LAMB3: variants seen among roughly 807,000 people sequenced by gnomAD.
LAMB3 encodes the protein laminin subunit beta-3.
In LAMB3, 104 loss-of-function variants were observed where a neutral mutation model predicts 140.3. The ratio of observed to expected loss-of-function variants is 0.74; its 90% CI spans 0.63 to 0.87. The LOEUF is 0.87. Ranked by LOEUF, LAMB3 falls within the 40% of genes least tolerant of loss-of-function variation. The pLI is 0.00. For missense variants in LAMB3, 1,531 were observed against 1,575.2 expected (o/e 0.97, Z 0.47); for synonymous variants, 592 against 602.9 (o/e 0.98, Z 0.26).
chr1:209,641,007 A>G (rs1025920895), intron 3 of LAMB3, among the ~76,000 whole-genome samples: 1 of 149,774 alleles, frequency 6.7e-6, no homozygotes, highest in Non-Finnish European at 1.5e-5. Flanking sequence ...GGCATGACCC[A>G]TGGAGGCAGA....
intron 14 of LAMB3, among the ~76,000 whole-genome samples, chr1:209,624,539 G>T (rs571182978): frequency 2.6e-5 from 4 of 152,084 alleles, no homozygotes; most frequent in Admixed American, 2.6e-4. Context: ...CCAACCACCA[G>T]CTCCCTCCTC....
At chr1:209,640,698 T>C (rs2076460903) in intron 3 of LAMB3, among the ~76,000 whole-genome samples, 1 of 152,168 alleles carries the variant, frequency 6.6e-6, no homozygotes, top group Non-Finnish European at 1.5e-5. Context: ...TATTTATTTG[T>C]ATATTGTCTG....
rs1666663487 is a variant in LAMB3, at chr1:209,630,883, G to A, written c.823-148C>T. On this transcript the variant is annotated intron_variant, in intron 8 of 22. Coordinates refer to ENST00000356082, the MANE Select transcript of LAMB3 (RefSeq NM_000228.3). ...CAGGAAGCTTCCTCTGAATGCCGCA[G>A]ACTTCACCCAGCTCCTGTGAAACTG... The A allele has an allele frequency of 2.2e-5, 19 of 872,278 alleles. No homozygotes were observed. In the South Asian group the frequency reaches 2.9e-4, roughly 13 times the overall value. The allele number at this position is 872,278 out of a possible 1,614,324, so 54.0% of individuals were successfully genotyped here.
intron 21 of LAMB3, 84 bp downstream of exon 21, chr1:209,617,326 T>C: frequency 7.0e-7 from 1 of 1,418,968 alleles, no homozygotes; most frequent in Non-Finnish European, 9.9e-7. Context: ...GAGTTTGTGG[T>C]CTTATAAAGT....
intron 8 of LAMB3, among the ~76,000 whole-genome samples, chr1:209,632,350 C>G (rs564963691): frequency 1.1e-3 from 162 of 152,338 alleles, no homozygotes; most frequent in African/African-American, 3.7e-3. Context: ...AATTTCCACA[C>G]TTATGTAAAT....
chr1:209,617,426 G>T lies in LAMB3; in HGVS notation c.3212C>A (p.Ala1071Glu), dbSNP rs781566508. 6 of 1,612,684 alleles carry T rather than the reference G, an allele frequency of 3.7e-6. No homozygotes were observed. The highest frequency in any genetic ancestry group is 4.0e-4 in the Middle Eastern group (2 of 5,004). The change falls in exon 21 of 23, where the codon GCA (alanine) becomes GAA (glutamate). Residue 1071 changes from alanine (A) to glutamate (E), a missense_variant. Coordinates refer to ENST00000356082, the MANE Select transcript of LAMB3 (RefSeq NM_000228.3). ...TCTCTGTACCTCTTGGGCACTCAAT[G>T]CCTGCTCGCTGGCACCTTCCGCAAG... ...QQLAEGASEQALSAQEGFERI... is the reference protein window; with the variant it reads ...QQLAEGASEQELSAQEGFERI...
chr1:209,622,908 A>C, intron 17 of LAMB3, 74 bp downstream of exon 17: 1 of 1,543,478 alleles, frequency 6.5e-7, no homozygotes, highest in African/African-American at 1.4e-5. Flanking sequence ...TAAAATGGGA[A>C]CTCTGACTTG....
chr1:209,649,672 G>C (rs1275409328), intron 3 of LAMB3, among the ~76,000 whole-genome samples: 1 of 152,188 alleles, frequency 6.6e-6, no homozygotes, highest in African/African-American at 2.4e-5. Flanking sequence ...CCCAAGACTT[G>C]AAAGACTATC....
chr1:209,628,471 G>A (rs1342542569), intron 10 of LAMB3, among the ~76,000 whole-genome samples: 1 of 152,168 alleles, frequency 6.6e-6, no homozygotes, highest in East Asian at 1.9e-4. Context: ...GCCGAGGCAG[G>A]TGGATCACCT....
rs780442109 is a variant in LAMB3 at position 209,617,433 on chromosome 1, C to G, written c.3205G>C (p.Glu1069Gln). The G allele has an allele frequency of 4.3e-6, 7 of 1,612,760 alleles. No homozygotes were observed. Among genetic ancestry groups the G allele is most frequent in the African/African-American group, 1.3e-5 (1 of 74,898 alleles). ...QAQQLAEGAS[E>Q]QALSAQEGFE... ...ACCTCTTGGGCACTCAATGCCTGCT[C>G]GCTGGCACCTTCCGCAAGCTGCTGG... is the stretch of plus-strand genomic sequence containing the variant. Residue 1069 changes from glutamate to glutamine, a missense_variant, in exon 21 of 23, where the codon GAG (glutamate) becomes CAG (glutamine). By Grantham distance (29) the Glu-to-Gln change is conservative. Coordinates refer to ENST00000356082, the MANE Select transcript of LAMB3 (RefSeq NM_000228.3).
chr1:209,640,839 T>C (rs2102450584), intron 3 of LAMB3, among the ~76,000 whole-genome samples: 1 of 152,182 alleles, frequency 6.6e-6, no homozygotes, highest in Middle Eastern at 3.4e-3. Context: ...CCCAGCGCTT[T>C]GGGAGGCCAA....
chr1:209,631,321 G>A (rs1208410288), intron 8 of LAMB3, among the ~76,000 whole-genome samples: 1 of 152,188 alleles, frequency 6.6e-6, no homozygotes, highest in African/African-American at 2.4e-5. Flanking sequence ...ATAGCAAGAT[G>A]AACTTCTAGC....
chr1:209,636,691 C>T (rs1040205331), intron 5 of LAMB3, among the ~76,000 whole-genome samples: 2 of 152,170 alleles, frequency 1.3e-5, no homozygotes, highest in African/African-American at 4.8e-5. Context: ...GCCTGCCTCC[C>T]GGCCTTTGTG....
chr1:209,638,034 C>T, intron 4 of LAMB3, 53 bp from the exon 5 acceptor site: 2 of 1,453,832 alleles, frequency 1.4e-6, no homozygotes, highest in Admixed American at 1.8e-5. Context: ...ACTTCCCCAG[C>T]CCTGAAGGAA....
intron 18 of LAMB3, chr1:209,618,878 C>T (rs911543132): frequency 5.0e-6 from 3 of 601,616 alleles, no homozygotes; most frequent in Admixed American, 2.6e-5. Flanking sequence ...CTCCATGCTG[C>T]AGCAGGGAGG....
Position 209,623,986 on chromosome 1 carries a change from C to A in LAMB3, c.1991G>T (p.Gly664Val), listed in dbSNP as rs1269063249. The change falls in exon 15 of 23, where the codon GGC becomes GTC. Residue 664 changes from glycine (G) to valine (V), a missense_variant. Transcript: ENST00000356082. This position sits in a 1 kb window ranked among gnomAD's most constrained non-coding sequence, Gnocchi z 4.2. ...CTCCAGGGGCAGATCCAGCTGCAGG[C>A]CCTGGAGAGTTCGCCTGAGAAGGGA... ...AILSLRRTLQ[G>V]LQLDLPLEEE... is the part of the protein sequence containing the mutation. The A allele has an allele frequency of 1.9e-6, 3 of 1,613,574 alleles. No individual in the cohort carries two copies. Among genetic ancestry groups the A allele is most frequent in the Non-Finnish European group, 2.5e-6 (3 of 1,179,990 alleles).
At chr1:209,649,147 A>G (rs778050330) in intron 3 of LAMB3, among the ~76,000 whole-genome samples, 50 of 152,326 alleles carry the variant, frequency 3.3e-4, no homozygotes, top group Non-Finnish European at 1.8e-4. Flanking sequence ...ACCACCTTCC[A>G]CAGCCCAGAA....
intron 3 of LAMB3, among the ~76,000 whole-genome samples, chr1:209,646,761 T>C (rs561320973): frequency 6.6e-6 from 1 of 152,306 alleles, no homozygotes; most frequent in South Asian, 2.1e-4. Flanking sequence ...GATAGAACAG[T>C]TTGCATCTGC....
chr1:209,619,493 G>A lies in LAMB3; in HGVS notation c.2702-834C>T, dbSNP rs1469147224. Among the ~76,000 whole-genome samples, 4 of 152,246 alleles carry A rather than the reference G, an allele frequency of 2.6e-5. No individual in the cohort carries two copies. In the East Asian group the frequency reaches 7.7e-4, roughly 29 times the overall value. On this transcript the variant is annotated intron_variant, in intron 18 of 22. Coordinates refer to ENST00000356082, the MANE Select transcript of LAMB3 (RefSeq NM_000228.3). ...TATTCAAGCCACCTGGGCAAGTCAAGTGGTTCCTCTAAGCTCAGTTTCCTG... is the reference window on the plus strand; with the variant it reads ...TATTCAAGCCACCTGGGCAAGTCAAATGGTTCCTCTAAGCTCAGTTTCCTG...
Sources: allele counts gnomAD v4.1 joint callset (sites outside exome capture counted in the v4.1 genomes callset), GRCh38; gene constraint gnomAD v4.1.1; non-coding constraint Gnocchi (gnomAD v3.1); transcripts MANE v1.5; gene names NCBI Gene and HGNC (gene_info 2026-07-23, HGNC 2026-07-21).